The following DRC1 variants were observed in gnomAD, a reference collection of about 807,000 sequenced individuals.
DRC1 encodes the protein dynein regulatory complex protein 1.
In DRC1, 74 loss-of-function variants were observed where a neutral mutation model predicts 98.7. That is an observed-to-expected ratio of 0.75 (90% confidence interval 0.62 to 0.91). The LOEUF (loss-of-function observed/expected upper bound fraction) is 0.91, where lower values mean the gene tolerates loss of function less well. Ranked by LOEUF, DRC1 falls within the 40% of genes least tolerant of loss-of-function variation. The pLI, the probability that DRC1 is intolerant of heterozygous loss-of-function variation, is 0.00. For synonymous variants in DRC1, 336 were observed against 334.1 expected, an observed-to-expected ratio of 1.01 and a Z score of -0.06; for missense variants, 875 against 886.0, an observed-to-expected ratio of 0.99 and a Z score of 0.16.
chr2:26,422,075 G>A (rs1663162594), intron 3 of DRC1, among the ~76,000 whole-genome samples: 1 of 152,214 alleles, frequency 6.6e-6, no homozygotes, highest in South Asian at 2.1e-4. Flanking sequence ...TATCTGCAGA[G>A]ATTACAGAAA....
chr2:26,414,487 A>G, intron 2 of DRC1, 56 bp downstream of exon 2: 3 of 1,517,246 alleles, frequency 2.0e-6, no homozygotes, highest in African/African-American at 2.8e-5. Flanking sequence ...GTGTGACATC[A>G]TGGTTTTCAC....
intron 2 of DRC1, among the ~76,000 whole-genome samples, chr2:26,418,948 G>A (rs1012323272): frequency 6.7e-6 from 1 of 148,264 alleles, no homozygotes; most frequent in Non-Finnish European, 1.5e-5. Context: ...GAGTACAGTT[G>A]CATGATCTCA....
chr2:26,414,128 A>ATTATTG (rs1352123673), intron 1 of DRC1, among the ~76,000 whole-genome samples: 1 of 148,708 alleles, frequency 6.7e-6, no homozygotes, highest in Admixed American at 6.7e-5. Flanking sequence ...TATTATTATT[A>ATTATTG]TTATTATTAT....
rs960205932 is a variant in DRC1 at position 26,421,630 on chromosome 2, G to A, written c.356+230G>A. On this transcript the variant is annotated intron_variant, in intron 3 of 16. Transcript: ENST00000288710. ...GGCTGGAGTGCAATGACGTGATCTC[G>A]GCTCACCGCAACCTCCACCTCCCAG... is the stretch of plus-strand genomic sequence containing the variant. Among the ~76,000 whole-genome samples, 7 of 143,782 alleles carry A rather than the reference G, an allele frequency of 4.9e-5. No homozygotes were observed. In the East Asian group the frequency reaches 1.2e-3, roughly 25 times the overall value. 94.3% of individuals were successfully genotyped at this position (143,782 alleles called of 152,430 possible). A position where few individuals can be genotyped will look rare whatever the true frequency, so the allele number is the denominator to read the frequency against.
rs764990298 is a variant in DRC1, at chr2:26,448,723, C to T, written c.1429C>T (p.Pro477Ser). Reference protein sequence around the residue: ...EEEAEEAAAEPESYLDLPKQI... With the variant: ...EEEAEEAAAESESYLDLPKQI... ...GGAGGCAGAAGAGGCCGCCGCGGAA[C>T]CAGAGTCCTACCTGGATTTGCCGAA... Residue 477 changes from proline (P) to serine (S), a missense_variant, in exon 11 of 17, where the codon CCA becomes TCA. Physicochemically the swap from Pro to Ser is moderately conservative, Grantham distance 74 (BLOSUM62 -1). Transcript: ENST00000288710. 1 of 1,614,114 alleles carries T rather than the reference C, an allele frequency of 6.2e-7. No homozygotes were observed. Among genetic ancestry groups the T allele is most frequent in the African/African-American group, 1.3e-5 (1 of 74,946 alleles).
intron 3 of DRC1, among the ~76,000 whole-genome samples, chr2:26,424,004 G>C (rs576942316): frequency 1.3e-5 from 2 of 152,162 alleles, no homozygotes; most frequent in African/African-American, 4.8e-5. Context: ...GTGTGTGCGT[G>C]TGCACGCGTG....
rs1442847449 is a variant in DRC1 at position 26,444,875 on chromosome 2, C to G, written c.1323C>G (p.Asn441Lys). Residue 441 changes from asparagine (N) to lysine (K), a missense_variant, in exon 10 of 17, where the codon AAC becomes AAG. Transcript: ENST00000288710. The stretch of plus-strand genomic sequence containing the variant: ...CAGCACCTGATTTCTGGTTCCTGAA[C>G]AATGTTGGGCCTATTTCTCAGCAGC... ...PWAAPDFWFL[N>K]NVGPISQQPQ... 2 of 1,614,182 alleles carry G rather than the reference C, an allele frequency of 1.2e-6. No homozygotes were observed. Among genetic ancestry groups the G allele is most frequent in the East Asian group, 2.2e-5 (1 of 44,884 alleles).
At chr2:26,433,862 C>A (rs75695850) in intron 7 of DRC1, among the ~76,000 whole-genome samples, 5,458 of 152,144 alleles carry the variant, frequency 0.036, 293 homozygotes, top group African/African-American at 0.12. Context: ...CCTTTGCGTC[C>A]TAGTTCTTTC....
intron 9 of DRC1, 69 bp downstream of exon 9, chr2:26,444,425 G>T: frequency 6.4e-7 from 1 of 1,565,362 alleles, no homozygotes. Context: ...GTTTGTACAA[G>T]CTGTGATTTC....
intron 4 of DRC1, among the ~76,000 whole-genome samples, chr2:26,429,172 T>C (rs1663361985): frequency 6.7e-6 from 1 of 150,226 alleles, no homozygotes; most frequent in Non-Finnish European, 1.5e-5. Context: ...AACCACTTTC[T>C]CTTTGTACAG....
At chr2:26,455,274 C>A in intron 16 of DRC1, 41 bp downstream of exon 16, 1 of 1,585,604 alleles carries the variant, frequency 6.3e-7, no homozygotes, top group Non-Finnish European at 8.6e-7. Context: ...GCGGGAGACA[C>A]GGGTGGGGCA....
In DRC1 at chr2:26,402,125, C is replaced by T; in HGVS notation, c.136C>T (p.Arg46Cys). ...IQARRLRIAA[R>C]LEARRREALG... ...GGCCCGGCGCCTCCGCATCGCTGCG[C>T]GCTTAGAAGCCCGGAGGCGGTGAGC... Residue 46 changes from arginine to cysteine, a missense_variant, in exon 1 of 17, where the codon CGC (arginine) becomes TGC (cysteine). Coordinates refer to ENST00000288710, the MANE Select transcript of DRC1 (RefSeq NM_145038.5). The T allele has an allele frequency of 6.2e-7, 1 of 1,609,676 alleles. No homozygotes were observed. Among genetic ancestry groups the T allele is most frequent in the Non-Finnish European group, 8.5e-7 (1 of 1,178,632 alleles).
chr2:26,441,514 C>T (rs1324855743), intron 8 of DRC1, among the ~76,000 whole-genome samples: 3 of 151,996 alleles, frequency 2.0e-5, no homozygotes, highest in Non-Finnish European at 4.4e-5. Context: ...AGCAGAACAT[C>T]CAAGAAAGGC....
chr2:26,442,267 A>C (rs1345941138), intron 8 of DRC1, among the ~76,000 whole-genome samples: 1 of 152,094 alleles, frequency 6.6e-6, no homozygotes, highest in Non-Finnish European at 1.5e-5. Context: ...GACAACACTG[A>C]ATTTTGGAGG....
chr2:26,426,995 A>T (rs1474116278), intron 4 of DRC1, among the ~76,000 whole-genome samples: 1 of 152,188 alleles, frequency 6.6e-6, no homozygotes, highest in African/African-American at 2.4e-5. Flanking sequence ...TGTTAAGTTT[A>T]TTCCTAAGTA....
chr2:26,423,337 G>A (rs940243779), intron 3 of DRC1, among the ~76,000 whole-genome samples: 2 of 151,948 alleles, frequency 1.3e-5, no homozygotes, highest in African/African-American at 4.8e-5. Flanking sequence ...GGTGGGGTGG[G>A]TGGGGGATGG....
At chr2:26,418,933 G>A (rs1278760796) in intron 2 of DRC1, among the ~76,000 whole-genome samples, 1 of 146,034 alleles carries the variant, frequency 6.8e-6, no homozygotes, top group African/African-American at 2.5e-5. Flanking sequence ...CTGTCACCTA[G>A]GCTGGAGTAC....
rs1298106596 is a variant in DRC1, at chr2:26,405,849, G to A, written c.155+3705G>A. ...CTAATTTTTTATTTTTAGGAGAGACGGGGTTTCACCATGTTGGCCAGGCTA... is the reference window on the plus strand; with the variant it reads ...CTAATTTTTTATTTTTAGGAGAGACAGGGTTTCACCATGTTGGCCAGGCTA... On this transcript the variant is annotated intron_variant, in intron 1 of 16. Transcript: ENST00000288710. Among the ~76,000 whole-genome samples, 5 of 151,760 alleles carry A rather than the reference G, an allele frequency of 3.3e-5. 1 individual carries two copies. Among genetic ancestry groups the A allele is most frequent in the African/African-American group, 9.7e-5 (4 of 41,292 alleles).
intron 9 of DRC1, 44 bp from the exon 10 acceptor site, chr2:26,444,672 G>A: frequency 6.3e-7 from 1 of 1,581,422 alleles, no homozygotes; most frequent in Non-Finnish European, 8.7e-7. Flanking sequence ...ACCCTGGCCA[G>A]GTCCTGGGGC....
Sources: allele counts gnomAD v4.1 joint callset (sites outside exome capture counted in the v4.1 genomes callset), GRCh38; gene constraint gnomAD v4.1.1; transcripts MANE v1.5; gene names NCBI Gene and HGNC (gene_info 2026-07-23, HGNC 2026-07-21).